Variants in RUNX2 observed in about 807,000 individuals in gnomAD.
The protein encoded by RUNX2 is runt-related transcription factor 2.
RUNX2 carries 10 observed loss-of-function variants against 51.7 expected under a neutral mutation model. The ratio of observed to expected loss-of-function variants is 0.19; its 90% CI spans 0.12 to 0.33. The LOEUF is 0.33. Among genes scored for constraint, RUNX2 ranks in the 10% least tolerant of loss-of-function variants. RUNX2 has a pLI of 1.00. For synonymous variants in RUNX2, 276 were observed against 273.6 expected (o/e 1.01, Z -0.09); for missense variants, 562 against 691.3 (o/e 0.81, Z 2.10).
At chr6:45,422,476 TTTCCCCCCGTCTCGCCTTCACCCCCCCAA>T in intron 2 of RUNX2, 88 bp from the exon 3 acceptor site, 1 of 751,710 alleles carries the variant, frequency 1.3e-6, no homozygotes, top group Admixed American at 3.0e-5. Flanking sequence ...CTCCATCCTC[TTTCCCCCCGTCTCGCCTTCACCCCCCCAA>T]TTTCCTCCTT....
chr6:45,424,362 G>A (rs914498468), intron 3 of RUNX2, among the ~76,000 whole-genome samples: 1 of 152,188 alleles, frequency 6.6e-6, no homozygotes, highest in Non-Finnish European at 1.5e-5. Flanking sequence ...GTCCACACTC[G>A]CAGGACTGTC....
chr6:45,350,318 T>A (rs1791761589), intron 2 of RUNX2, among the ~76,000 whole-genome samples: 2 of 152,228 alleles, frequency 1.3e-5, no homozygotes, highest in South Asian at 4.1e-4. Flanking sequence ...CTAGATTAAA[T>A]GTGGTCTGCC....
At chr6:45,512,204 A>G (rs201760520) in intron 6 of RUNX2, 42 bp from the exon 7 acceptor site, 2 of 1,603,552 alleles carry the variant, frequency 1.2e-6, no homozygotes, top group Non-Finnish European at 1.7e-6. Context: ...CTAAGGCTGC[A>G]ATGGTTGCTA....
intron 2 of RUNX2, among the ~76,000 whole-genome samples, chr6:45,393,684 T>C (rs1327515393): frequency 1.3e-5 from 2 of 152,046 alleles, no homozygotes; most frequent in Non-Finnish European, 2.9e-5. Flanking sequence ...CACCTCGGCC[T>C]CCCAAAGTGC....
intron 5 of RUNX2, among the ~76,000 whole-genome samples, chr6:45,473,780 G>A (rs1474926943): frequency 6.6e-6 from 1 of 152,198 alleles, no homozygotes; most frequent in Non-Finnish European, 1.5e-5. Context: ...CAGAAGAGAT[G>A]TTATTACAGG....
At chr6:45,446,116 C>A (rs1486283158) in intron 5 of RUNX2, among the ~76,000 whole-genome samples, 1 of 152,172 alleles carries the variant, frequency 6.6e-6, no homozygotes, top group East Asian at 1.9e-4. Flanking sequence ...CAGCAAGGAG[C>A]TATGGCATTA....
chr6:45,360,152 C>G (rs576305328), intron 2 of RUNX2, among the ~76,000 whole-genome samples: 88 of 152,318 alleles, frequency 5.8e-4, no homozygotes, highest in African/African-American at 2.0e-3. Flanking sequence ...TGGAGTCAGA[C>G]TTCCTGGCAT....
chr6:45,401,893 T>C (rs984448671), intron 2 of RUNX2, among the ~76,000 whole-genome samples: 2 of 152,254 alleles, frequency 1.3e-5, no homozygotes, highest in African/African-American at 4.8e-5. Context: ...AAAACTCATG[T>C]ATCCTTGTCA....
rs542601495 is a variant in RUNX2, at chr6:45,391,700, G to A, written c.59-30893G>A. Among the ~76,000 whole-genome samples, 63 of 152,272 alleles carry A rather than the reference G, an allele frequency of 4.1e-4. 1 individual carries two copies. The highest frequency in any genetic ancestry group is 7.4e-5 in the Non-Finnish European group (5 of 68,026). ...GTGAAGCAAGGCGCCTTCTTCACAA[G>A]GCAGCAGGAAAGAGAAGTGCCAAGC... is the stretch of plus-strand genomic sequence containing the variant. On this transcript the variant is annotated intron_variant, in intron 2 of 8. Transcript: ENST00000647337.
chr6:45,330,422 G>A (rs950352858), intron 2 of RUNX2, among the ~76,000 whole-genome samples: 1 of 151,940 alleles, frequency 6.6e-6, no homozygotes, highest in Non-Finnish European at 1.5e-5. Context: ...AGGGATAACA[G>A]AGATATCAGG....
At chr6:45,503,009 T>A (rs1800843930) in intron 6 of RUNX2, among the ~76,000 whole-genome samples, 1 of 152,196 alleles carries the variant, frequency 6.6e-6, no homozygotes, top group Non-Finnish European at 1.5e-5. Context: ...TCCCAGGAAC[T>A]GGACACGGGC....
chr6:45,505,374 T>C (rs1484926934), intron 6 of RUNX2, among the ~76,000 whole-genome samples: 1 of 152,000 alleles, frequency 6.6e-6, no homozygotes, highest in Non-Finnish European at 1.5e-5. Flanking sequence ...TTTTTTTTTT[T>C]TTCTTTTCTG....
At chr6:45,432,163 G>T in intron 4 of RUNX2, 144 bp downstream of exon 4, 1 of 829,040 alleles carries the variant, frequency 1.2e-6, no homozygotes. Context: ...TCCAGATGAA[G>T]TTGAGTGTTT....
At chr6:45,353,140 A>C (rs1051424933) in intron 2 of RUNX2, among the ~76,000 whole-genome samples, 5 of 152,148 alleles carry the variant, frequency 3.3e-5, no homozygotes, top group African/African-American at 1.2e-4. Context: ...TTCTAAATGT[A>C]AAATGATTTC....
chr6:45,490,341 T>C (rs767454001), intron 5 of RUNX2, among the ~76,000 whole-genome samples: 1 of 152,208 alleles, frequency 6.6e-6, no homozygotes, highest in South Asian at 2.1e-4. Context: ...CCTTCTGTTA[T>C]AGCAGATGCC....
At chr6:45,371,581 G>A (rs961295683) in intron 2 of RUNX2, among the ~76,000 whole-genome samples, 3 of 152,016 alleles carry the variant, frequency 2.0e-5, no homozygotes, top group African/African-American at 7.2e-5. Flanking sequence ...TCATTTTAGT[G>A]CTTTAGTTTT....
At chr6:45,446,129 A>G (rs560812898) in intron 5 of RUNX2, among the ~76,000 whole-genome samples, 1 of 152,290 alleles carries the variant, frequency 6.6e-6, no homozygotes, top group South Asian at 2.1e-4. Context: ...TGGCATTAAC[A>G]TCCTTTCATG....
chr6:45,443,351 A>T (rs372408910), intron 5 of RUNX2, among the ~76,000 whole-genome samples: 7 of 152,044 alleles, frequency 4.6e-5, no homozygotes, highest in African/African-American at 1.7e-4. Flanking sequence ...GCACCCAAGG[A>T]TGTTGGGCCT....
At chr6:45,381,798 G>C (rs1048998951) in intron 2 of RUNX2, among the ~76,000 whole-genome samples, 1 of 152,130 alleles carries the variant, frequency 6.6e-6, no homozygotes, top group Non-Finnish European at 1.5e-5. Context: ...CACTGCAGGG[G>C]GTTGGGGTGC....
Sources: allele counts gnomAD v4.1 joint callset (sites outside exome capture counted in the v4.1 genomes callset), GRCh38; gene constraint gnomAD v4.1.1; transcripts MANE v1.5; gene names NCBI Gene and HGNC (gene_info 2026-07-23, HGNC 2026-07-21).